DNAH2: variants seen among roughly 807,000 people sequenced by gnomAD.
DNAH2 encodes dynein axonemal heavy chain 2, also known as axonemal beta dynein heavy chain 2.
A neutral mutation model predicts 523.5 loss-of-function variants in DNAH2; 323 were observed. The observed-to-expected ratio is 0.62, with a 90% CI of 0.56 to 0.68. The LOEUF (loss-of-function observed/expected upper bound fraction) is 0.68. Ranked by LOEUF, DNAH2 falls within the 30% of genes least tolerant of loss-of-function variation. The pLI is 0.00. For synonymous variants in DNAH2, 2,093 were observed against 2,177.4 expected, an observed-to-expected ratio of 0.96 and a Z score of 1.08; for missense variants, 4,907 against 5,701.5, an observed-to-expected ratio of 0.86 and a Z score of 4.49.
Position 7,741,293 on chromosome 17 carries a change from T to TCTTTCTTTCTTTCTTTCTTC in DNAH2, c.1689+304_1689+305insTCTTTCTTTCTTTCTTCCTT, listed in dbSNP as rs1555540783. ...TTCTTTCTTTCTTTCTTTCTTTCTT[T>TCTTTCTTTCTTTCTTTCTTC]CTTCCTTCCTTCCCTCCCTCCCTCC... On this transcript the variant is annotated intron_variant, in intron 11 of 85. Coordinates refer to ENST00000572933, the MANE Select transcript of DNAH2 (RefSeq NM_020877.5). 2.6e-3 allele frequency among the ~76,000 whole-genome samples: 159 copies of TCTTTCTTTCTTTCTTTCTTC among 61,558 alleles called. 2 individuals carry two copies. The highest frequency in any genetic ancestry group is 3.5e-3 in the Non-Finnish European group (122 of 34,428). The allele number at this position is 61,558 out of a possible 152,430, so 40.4% of individuals were successfully genotyped here.
At chr17:7,725,518 C>T (rs1192817756) in intron 3 of DNAH2, among the ~76,000 whole-genome samples, 11 of 150,176 alleles carry the variant, frequency 7.3e-5, no homozygotes, top group African/African-American at 2.0e-4. Context: ...CTGCAACCTC[C>T]GCCTCCCGGG....
chr17:7,816,212 T>C (rs1316781440), intron 63 of DNAH2, among the ~76,000 whole-genome samples: 2 of 152,176 alleles, frequency 1.3e-5, no homozygotes, highest in Non-Finnish European at 2.9e-5. Flanking sequence ...GGAGTGGCAG[T>C]CATTTATGTG....
At position 7,831,738 on chromosome 17, in the gene DNAH2, G is replaced by A; in HGVS notation, c.12689G>A (p.Cys4230Tyr). 6.2e-7 allele frequency: 1 copy of A among 1,614,104 alleles called. No individual in the cohort carries two copies. The highest frequency in any genetic ancestry group is 1.1e-5 in the South Asian group (1 of 91,078). ...MSTSLEEIFN[C>Y]IFDAHVPPLW... ...ACAAGCCTGGAAGAGATTTTCAATT[G>A]CATCTTTGATGCCCATGTTCCTCCG... is the stretch of plus-strand genomic sequence containing the variant. Residue 4230 changes from cysteine (C) to tyrosine (Y), a missense_variant, in exon 82 of 86, where the codon TGC becomes TAC. Cys to Tyr is a radical substitution (Grantham distance 194). Transcript: ENST00000572933. This position sits in a 1 kb window ranked among gnomAD's most constrained non-coding sequence, Gnocchi z 4.2.
intron 59 of DNAH2, among the ~76,000 whole-genome samples, 181 bp downstream of exon 59, chr17:7,804,647 A>G (rs2077316887): frequency 6.6e-6 from 1 of 151,936 alleles, no homozygotes; most frequent in South Asian, 2.1e-4. Flanking sequence ...GGAGTTCGAG[A>G]CCAACTTGGC....
chr17:7,765,211 CCACG>C (rs1231554660), intron 20 of DNAH2, among the ~76,000 whole-genome samples, 176 bp from the exon 21 acceptor site: 27 of 151,924 alleles, frequency 1.8e-4, no homozygotes, highest in Non-Finnish European at 3.5e-4. Context: ...TGGTCATCCT[CCACG>C]CATGAGAGGG....
intron 29 of DNAH2, 73 bp from the exon 30 acceptor site, chr17:7,775,168 A>G (rs1032499131): frequency 1.3e-6 from 2 of 1,495,634 alleles, no homozygotes; most frequent in Non-Finnish European, 1.8e-6. Flanking sequence ...ATTATCCTCA[A>G]AAGGCCCCAG....
intron 56 of DNAH2, among the ~76,000 whole-genome samples, chr17:7,800,305 C>A (rs1208031713): frequency 1.3e-5 from 2 of 152,118 alleles, no homozygotes; most frequent in Non-Finnish European, 2.9e-5. Flanking sequence ...CCCGCCTTGG[C>A]ATCCCAAAGT....
Position 7,833,093 on chromosome 17 carries a change from T to A in DNAH2, c.13001T>A (p.Leu4334Gln), listed in dbSNP as rs1391353165. The change falls in exon 85 of 86, where the codon CTG becomes CAG. Residue 4334 changes from leucine to glutamine, a missense_variant. Leu to Gln is a moderately radical substitution (Grantham distance 113). Transcript: ENST00000572933. ...PPKDGVWVRG[L>Q]YLEGAGWDRK... The stretch of plus-strand genomic sequence containing the variant: ...CAGGATGGTGTCTGGGTCCGGGGCC[T>A]GTACCTGGAAGGTGCTGGCTGGGAC... 1.7e-5 allele frequency: 27 copies of A among 1,613,178 alleles called. No individual in the cohort carries two copies. The highest frequency in any genetic ancestry group is 2.2e-5 in the Non-Finnish European group (26 of 1,179,990).
At chr17:7,829,519 C>A (rs1161887554) in intron 77 of DNAH2, among the ~76,000 whole-genome samples, 2 of 152,184 alleles carry the variant, frequency 1.3e-5, no homozygotes, top group African/African-American at 4.8e-5. Flanking sequence ...GTTCAAATCC[C>A]AGCTTGCTCA....
rs1296965103 is a variant in DNAH2 at position 7,780,044 on chromosome 17, A to G, written c.5723-113A>G. The G allele has an allele frequency of 3.9e-5, 55 of 1,396,432 alleles. 1 individual carries two copies. Among genetic ancestry groups the G allele is most frequent in the Non-Finnish European group, 5.2e-5 (53 of 1,024,772 alleles). 86.5% of individuals were successfully genotyped at this position (1,396,432 alleles called of 1,614,324 possible). ...GATGTGGTCTTGGAGTTGGAGAGAA[A>G]GTTAGGGATGGAGTTAGGGTGGGAG... On this transcript the variant is annotated intron_variant, in intron 36 of 85. Transcript: ENST00000572933. The surrounding 1 kb of genome is among the most constrained non-coding windows in gnomAD (Gnocchi z 4.4).
intron 2 of DNAH2, among the ~76,000 whole-genome samples, chr17:7,723,166 T>G (rs1387342131): frequency 6.6e-6 from 1 of 151,240 alleles, no homozygotes; most frequent in African/African-American, 2.4e-5. Context: ...GAGACGGGGT[T>G]TCACCGTATT....
intron 24 of DNAH2, among the ~76,000 whole-genome samples, chr17:7,768,897 A>G (rs2076241826): frequency 1.3e-5 from 2 of 152,212 alleles, no homozygotes; most frequent in African/African-American, 4.8e-5. Flanking sequence ...CCTGAGGCTG[A>G]AGAGTATTTC....
intron 4 of DNAH2, 46 bp from the exon 5 acceptor site, chr17:7,733,041 T>C: frequency 6.3e-7 from 1 of 1,594,740 alleles, no homozygotes; most frequent in Non-Finnish European, 8.6e-7. Flanking sequence ...CTGGGTGTCA[T>C]GGCTGGGCCT....
Position 7,798,090 on chromosome 17 carries a change from C to G in DNAH2, c.8231-67C>G. 1.3e-6 allele frequency: 2 copies of G among 1,517,084 alleles called. No individual in the cohort carries two copies. Among genetic ancestry groups the G allele is most frequent in the Non-Finnish European group, 1.8e-6 (2 of 1,133,928 alleles). 94.0% of individuals were successfully genotyped at this position (1,517,084 alleles called of 1,614,324 possible). On this transcript the variant is annotated intron_variant, in intron 53 of 85. Transcript: ENST00000572933. This position sits in a 1 kb window ranked among gnomAD's most constrained non-coding sequence, Gnocchi z 5.5. ...AGTTTCAGGGGCCCCAATCCCTAGC[C>G]TAGGGCCTGGAGGTCCCCTGAGTTT...
chr17:7,832,924 C>T lies in DNAH2; in HGVS notation c.12974C>T (p.Pro4325Leu), dbSNP rs116930996. The T allele has an allele frequency of 5.0e-6, 8 of 1,614,142 alleles. No individual in the cohort carries two copies. Among genetic ancestry groups the T allele is most frequent in the East Asian group, 2.2e-5 (1 of 44,874 alleles). Reference sequence around the variant, plus strand: ...GATGACAGCAACCTAGTGTATCCCCCCAAGGTGGGAGCCAGTTGTGCTTGG... The same window carrying T: ...GATGACAGCAACCTAGTGTATCCCCTCAAGGTGGGAGCCAGTTGTGCTTGG... ...TVDDSNLVYP[P>L]KDGVWVRGLY... Residue 4325 changes from proline to leucine, a missense_variant, in exon 84 of 86, where the codon CCC becomes CTC. This residue lies in a region of DNAH2 where 1,851 missense variants were observed against 2,139.4 expected (regional missense o/e 0.87). Coordinates refer to ENST00000572933, the MANE Select transcript of DNAH2 (RefSeq NM_020877.5). The surrounding 1 kb of genome is among the most constrained non-coding windows in gnomAD (Gnocchi z 4.3).
At position 7,794,352 on chromosome 17, in the gene DNAH2, C is replaced by T. The variant is rs2077005743; in HGVS notation, c.7668C>T (p.Phe2556=). The change falls in exon 49 of 86, where the codon TTC becomes TTT. Residue 2556 remains phenylalanine (F), a synonymous_variant. Transcript: ENST00000572933. ...RSRFNIINMT[F]PTKSQIIRIF... is the part of the protein sequence containing the mutation. ...GCTTCAACATTATCAACATGACCTT[C>T]CCCACAGTGAGGACCTCATGGGGGC... The T allele has an allele frequency of 6.2e-7, 1 of 1,605,992 alleles. No individual in the cohort carries two copies. The highest frequency in any genetic ancestry group is 1.3e-5 in the African/African-American group (1 of 74,510).
At chr17:7,818,241 T>C in intron 68 of DNAH2, 71 bp from the exon 69 acceptor site, 1 of 1,600,502 alleles carries the variant, frequency 6.2e-7, no homozygotes. Flanking sequence ...TGCCCCTGGA[T>C]GCCGGTGGGG....
Position 7,766,481 on chromosome 17 carries a change from G to A in DNAH2, c.3675G>A (p.Lys1225=). The A allele has an allele frequency of 6.2e-7, 1 of 1,613,790 alleles. No individual in the cohort carries two copies. The highest frequency in any genetic ancestry group is 8.5e-7 in the Non-Finnish European group (1 of 1,179,866). ...PPSKDLQNLE[K]ELDALQQIWE... ...CCAAGGACCTTCAGAACCTGGAGAA[G>A]GTGGTGTGCTGAGCAAGGACCCTGT... is the stretch of plus-strand genomic sequence containing the variant. The change falls in exon 22 of 86, where the codon AAG becomes AAA. Residue 1225 remains lysine, a splice_region_variant and synonymous_variant. Coordinates refer to ENST00000572933, the MANE Select transcript of DNAH2 (RefSeq NM_020877.5).
chr17:7,831,305 G>C lies in DNAH2; in HGVS notation c.12450G>C (p.Arg4150=), dbSNP rs781343753. 163 of 1,613,960 alleles carry C rather than the reference G, an allele frequency of 1.0e-4. No homozygotes were observed. Among genetic ancestry groups the C allele is most frequent in the Non-Finnish European group, 1.3e-4 (157 of 1,180,040 alleles). ...CCACCAGGGCTGGAGGCCAGACCCG[G>C]GAAGAGAAGGTAAAAAGAGCCGGGC... ...ITPTRAGGQT[R]EEKVLELAAD... Residue 4150 remains arginine (R), a synonymous_variant, in exon 80 of 86, where the codon CGG becomes CGC. Coordinates refer to ENST00000572933, the MANE Select transcript of DNAH2 (RefSeq NM_020877.5). The surrounding 1 kb of genome is among the most constrained non-coding windows in gnomAD (Gnocchi z 4.2).
Sources: allele counts gnomAD v4.1 joint callset (sites outside exome capture counted in the v4.1 genomes callset), GRCh38; gene constraint gnomAD v4.1.1; regional missense constraint gnomAD v4.1.1; non-coding constraint Gnocchi (gnomAD v3.1); transcripts MANE v1.5; gene names NCBI Gene and HGNC (gene_info 2026-07-23, HGNC 2026-07-21).